Variants in SLC7A4 observed in about 807,000 individuals in gnomAD.
SLC7A4 encodes cationic amino acid transporter 4.
A neutral mutation model predicts 37.8 loss-of-function variants in SLC7A4; 30 were observed. The ratio of observed to expected loss-of-function variants is 0.79; its 90% CI spans 0.59 to 1.08. SLC7A4 has a LOEUF of 1.08. SLC7A4 is among the 50% of genes least tolerant of loss of function. The pLI is 0.00. For missense variants in SLC7A4, 839 were observed against 843.2 expected (o/e 1.00, Z 0.06); for synonymous variants, 359 against 376.5 (o/e 0.95, Z 0.54).
At position 21,030,369 on chromosome 22, in the gene SLC7A4, G is replaced by A; in HGVS notation, c.983-18C>T. On this transcript the variant is annotated intron_variant, in intron 2 of 4. Coordinates refer to ENST00000382932, the MANE Select transcript of SLC7A4 (RefSeq NM_004173.3). ...GTTCATGGCTGTAGCAGAGAGAGTGGGGAGGGTCAGCATGGCGGAGAAGCC... is the reference window on the plus strand; with the variant it reads ...GTTCATGGCTGTAGCAGAGAGAGTGAGGAGGGTCAGCATGGCGGAGAAGCC... The A allele has an allele frequency of 6.3e-7, 1 of 1,582,288 alleles. No homozygotes were observed. Among genetic ancestry groups the A allele is most frequent in the South Asian group, 1.2e-5 (1 of 86,454 alleles).
At chr22:21,031,962 C>T in intron 1 of SLC7A4, 110 bp from the exon 2 acceptor site, 2 of 683,320 alleles carry the variant, frequency 2.9e-6, no homozygotes, top group Non-Finnish European at 4.2e-6. Flanking sequence ...ACCTGGGGAC[C>T]TGGACACCCT....
chr22:21,030,341 G>T lies in SLC7A4; in HGVS notation c.993C>A (p.Thr331=), dbSNP rs201735928. 2 of 1,604,752 alleles carry T rather than the reference G, an allele frequency of 1.2e-6. No individual in the cohort carries two copies. Among genetic ancestry groups the T allele is most frequent in the South Asian group, 2.2e-5 (2 of 90,104 alleles). The stretch of plus-strand genomic sequence containing the variant: ...GGGAGAAGAGGAGGCTGAGCAGGAC[G>T]GTGTTCATGGCTGTAGCAGAGAGAG... ...VAAGSICAMN[T]VLLSLLFSLP... is the part of the protein sequence containing the mutation. Residue 331 remains threonine, a synonymous_variant, in exon 3 of 5, where the codon ACC becomes ACA. Coordinates refer to ENST00000382932, the MANE Select transcript of SLC7A4 (RefSeq NM_004173.3).
chr22:21,029,032 CG>C lies in SLC7A4; in HGVS notation c.*22del. 6.4e-7 allele frequency: 1 copy of C among 1,574,442 alleles called. No homozygotes were observed. The stretch of plus-strand genomic sequence containing the variant: ...GGCCTCCCAAGCAGGTGTGGGAGGG[CG>C]GGGCAAGTGTGGGCTGATCAGCTAC... On this transcript the variant is annotated 3_prime_UTR_variant, in exon 5 of 5. Coordinates refer to ENST00000382932, the MANE Select transcript of SLC7A4 (RefSeq NM_004173.3).
Position 21,029,118 on chromosome 22 carries a change from C to A in SLC7A4, c.1845G>T (p.Glu615Asp). 1 of 1,613,560 alleles carries A rather than the reference C, an allele frequency of 6.2e-7. No homozygotes were observed. The highest frequency in any genetic ancestry group is 1.1e-5 in the South Asian group (1 of 91,058). Residue 615 changes from glutamate (E) to aspartate (D), a missense_variant, in exon 5 of 5, where the codon GAG (glutamate) becomes GAT (aspartate). Physicochemically the swap from Glu to Asp is conservative, Grantham distance 45 (BLOSUM62 2). Coordinates refer to ENST00000382932, the MANE Select transcript of SLC7A4 (RefSeq NM_004173.3). Reference protein sequence around the residue: ...YVVFPRGSLEETVQAMQPPSQ... With the variant: ...YVVFPRGSLEDTVQAMQPPSQ... Reference sequence around the variant, plus strand: ...TGGGGGGCTGCATAGCCTGCACTGTCTCCTCCAGGCTGCCCCTGGGGAATA... The same window carrying A: ...TGGGGGGCTGCATAGCCTGCACTGTATCCTCCAGGCTGCCCCTGGGGAATA...
In SLC7A4 at chr22:21,029,070, A is replaced by G; in HGVS notation, c.1893T>C (p.Pro631=). The change falls in exon 5 of 5, where the codon CCT becomes CCC. Residue 631 remains proline, a synonymous_variant. Coordinates refer to ENST00000382932, the MANE Select transcript of SLC7A4 (RefSeq NM_004173.3). ...QPPSQAPAQD[P]GHME ...GGCTGATCAGCTACTCCATATGGCC[A>G]GGGTCCTGTGCTGGTGCCTGGCTGG... The G allele has an allele frequency of 1.2e-6, 2 of 1,609,702 alleles. No individual in the cohort carries two copies. The highest frequency in any genetic ancestry group is 1.7e-6 in the Non-Finnish European group (2 of 1,179,020).
In SLC7A4 at chr22:21,029,902, C is replaced by A; in HGVS notation, c.1432G>T (p.Val478Leu). ...FLDGYSPGAVVTWALGVMLAS... is the reference protein window; with the variant it reads ...FLDGYSPGAVLTWALGVMLAS... ...AACATAACGCCAAGCGCCCAAGTCACCACTGCTCCAGGGCTGTACCCATCC... is the reference window on the plus strand; with the variant it reads ...AACATAACGCCAAGCGCCCAAGTCAACACTGCTCCAGGGCTGTACCCATCC... Residue 478 changes from valine (V) to leucine (L), a missense_variant, in exon 3 of 5, where the codon GTG (valine) becomes TTG (leucine). Transcript: ENST00000382932. 6.2e-7 allele frequency: 1 copy of A among 1,613,810 alleles called. No individual in the cohort carries two copies. The highest frequency in any genetic ancestry group is 1.1e-5 in the South Asian group (1 of 91,074).
Position 21,028,795 on chromosome 22 carries a change from A to G in SLC7A4, c.*260T>C. Reference sequence around the variant, plus strand: ...GGCTGTGGGCCTTCCCATCCACCCCACCACAACTGCCCAGGTAGCTGGAGC... The same window carrying G: ...GGCTGTGGGCCTTCCCATCCACCCCGCCACAACTGCCCAGGTAGCTGGAGC... On this transcript the variant is annotated 3_prime_UTR_variant, in exon 5 of 5. Coordinates refer to ENST00000382932, the MANE Select transcript of SLC7A4 (RefSeq NM_004173.3). 2.5e-6 allele frequency: 1 copy of G among 402,904 alleles called. No homozygotes were observed. Among genetic ancestry groups the G allele is most frequent in the Non-Finnish European group, 4.4e-6 (1 of 227,248 alleles). The allele number at this position is 402,904 out of a possible 1,614,324, so 25.0% of individuals were successfully genotyped here. A position where few individuals can be genotyped will look rare whatever the true frequency, so the allele number is the denominator to read the frequency against.
Position 21,031,915 on chromosome 22 carries a change from C to T in SLC7A4, c.-40-63G>A, listed in dbSNP as rs771348938. ...GGGGCCTGACCAGCCTTCCATCCCT[C>T]CTGGTCTGACCACCCCCAGTCCTCT... On this transcript the variant is annotated intron_variant, in intron 1 of 4. Coordinates refer to ENST00000382932, the MANE Select transcript of SLC7A4 (RefSeq NM_004173.3). 8.0e-5 allele frequency: 94 copies of T among 1,171,736 alleles called. No homozygotes were observed. The Admixed American group carries it at 1.5e-3, about 18-fold the overall frequency. The allele number at this position is 1,171,736 out of a possible 1,614,324, so 72.6% of individuals were successfully genotyped here. A position where few individuals can be genotyped will look rare whatever the true frequency, so the allele number is the denominator to read the frequency against.
intron 3 of SLC7A4, 81 bp downstream of exon 3, chr22:21,029,630 T>G: frequency 6.9e-7 from 1 of 1,450,992 alleles, no homozygotes; most frequent in Non-Finnish European, 9.5e-7. Flanking sequence ...CCGTGAGACT[T>G]GTTCATTCTG....
At position 21,031,068 on chromosome 22, in the gene SLC7A4, CG is replaced by C. The variant is rs760904001; in HGVS notation, c.744del (p.Phe248LeufsTer43). On this transcript the variant is annotated frameshift_variant, in exon 2 of 5. Coordinates refer to ENST00000382932, the MANE Select transcript of SLC7A4 (RefSeq NM_004173.3). LOFTEE classifies it high-confidence loss of function. ...MAGTASCFYA[F>X]VGFDVIAASS... The stretch of plus-strand genomic sequence containing the variant: ...GAGGCGGCAATGACGTCGAAGCCCA[CG>C]AAAGCATAGAAGCAGGAGGCAGTGC... The C allele has an allele frequency of 3.1e-6, 5 of 1,613,988 alleles. No individual in the cohort carries two copies. The highest frequency in any genetic ancestry group is 3.4e-6 in the Non-Finnish European group (4 of 1,180,046).
Position 21,030,884 on chromosome 22 carries a change from T to C in SLC7A4, c.929A>G (p.Tyr310Cys), listed in dbSNP as rs1288645284. ...GCCAGCCCACCTGTAGCCCCGCTGG[T>C]AGAAGGCATCTGCAAGCGCTGAGTC... Reference protein sequence around the residue: ...DPDSALADAFYQRGYRWAGFI... With the variant: ...DPDSALADAFCQRGYRWAGFI... The change falls in exon 2 of 5, where the codon TAC (tyrosine) becomes TGC (cysteine). Residue 310 changes from tyrosine (Y) to cysteine (C), a missense_variant. Coordinates refer to ENST00000382932, the MANE Select transcript of SLC7A4 (RefSeq NM_004173.3). 3.1e-6 allele frequency: 5 copies of C among 1,612,394 alleles called. No homozygotes were observed. The highest frequency in any genetic ancestry group is 1.1e-5 in the South Asian group (1 of 90,836).
chr22:21,031,232 A>G lies in SLC7A4; in HGVS notation c.581T>C (p.Leu194Pro). 6.2e-7 allele frequency: 1 copy of G among 1,613,718 alleles called. No homozygotes were observed. Among genetic ancestry groups the G allele is most frequent in the Non-Finnish European group, 8.5e-7 (1 of 1,179,886 alleles). The change falls in exon 2 of 5, where the codon CTC (leucine) becomes CCC (proline). Residue 194 changes from leucine (L) to proline (P), a missense_variant. Leu to Pro is a moderately conservative substitution (Grantham distance 98). Transcript: ENST00000382932. ...VSCGARVSSW[L>P]NHTFSAISLL... The stretch of plus-strand genomic sequence containing the variant: ...GCTGATGGCCGAGAAGGTGTGATTG[A>G]GCCAGGAGGACACGCGGGCTCCACA...
In SLC7A4 at chr22:21,031,145, C is replaced by T. The variant is rs750070534; in HGVS notation, c.668G>A (p.Ser223Asn). The change falls in exon 2 of 5, where the codon AGC (serine) becomes AAC (asparagine). Residue 223 changes from serine to asparagine, a missense_variant. Coordinates refer to ENST00000382932, the MANE Select transcript of SLC7A4 (RefSeq NM_004173.3). ...GGGTGCAAAGCCGCCTTCGTCAGCG[C>T]TCCAGTTGTGAGGCTGGGCCAGGAT... ...GFILAQPHNW[S>N]ADEGGFAPFG... 1 of 1,613,674 alleles carries T rather than the reference C, an allele frequency of 6.2e-7. No individual in the cohort carries two copies. The highest frequency in any genetic ancestry group is 1.7e-5 in the Admixed American group (1 of 59,996).
In SLC7A4 at chr22:21,029,103, C is replaced by CA; in HGVS notation, c.1859dup (p.Met620IlefsTer63). The CA allele has an allele frequency of 6.2e-7, 1 of 1,612,818 alleles. No individual in the cohort carries two copies. Among genetic ancestry groups the CA allele is most frequent in the Non-Finnish European group, 8.5e-7 (1 of 1,179,798 alleles). On this transcript the variant is annotated frameshift_variant, in exon 5 of 5. Coordinates refer to ENST00000382932, the MANE Select transcript of SLC7A4 (RefSeq NM_004173.3). LOFTEE classifies it high-confidence loss of function. ...GTGCTGGTGCCTGGCTGGGGGGCTG[C>CA]ATAGCCTGCACTGTCTCCTCCAGGC...
chr22:21,029,532 C>T, intron 3 of SLC7A4, 88 bp from the exon 4 acceptor site: 1 of 1,244,200 alleles, frequency 8.0e-7, no homozygotes, highest in East Asian at 2.3e-5. Context: ...ATCCATAGAG[C>T]CTTTGTTCCT....
rs775399975 is a variant in SLC7A4 at position 21,031,091 on chromosome 22, G to T, written c.722C>A (p.Thr241Asn). 5.0e-6 allele frequency: 8 copies of T among 1,614,128 alleles called. No individual in the cohort carries two copies. The highest frequency in any genetic ancestry group is 6.8e-6 in the Non-Finnish European group (8 of 1,180,036). Residue 241 changes from threonine (T) to asparagine (N), a missense_variant, in exon 2 of 5, where the codon ACT (threonine) becomes AAT (asparagine). Coordinates refer to ENST00000382932, the MANE Select transcript of SLC7A4 (RefSeq NM_004173.3). ...CACGAAAGCATAGAAGCAGGAGGCA[G>T]TGCCGGCCATGACGCCGGAGAAGCC... ...PFGFSGVMAG[T>N]ASCFYAFVGF... is the part of the protein sequence containing the mutation.
Position 21,029,885 on chromosome 22 carries a change from G to T in SLC7A4, c.1449C>A (p.Gly483=). Residue 483 remains glycine, a synonymous_variant, in exon 3 of 5, where the codon GGC becomes GGA. Transcript: ENST00000382932. ...TGGTGATGGCTGAGGCCAACATAAC[G>T]CCAAGCGCCCAAGTCACCACTGCTC... ...SPGAVVTWAL[G]VMLASAITIG... 1 of 1,613,808 alleles carries T rather than the reference G, an allele frequency of 6.2e-7. No individual in the cohort carries two copies. Among genetic ancestry groups the T allele is most frequent in the Non-Finnish European group, 8.5e-7 (1 of 1,179,986 alleles).
chr22:21,030,987 G>A lies in SLC7A4; in HGVS notation c.826C>T (p.Leu276Phe), dbSNP rs201783217. The A allele has an allele frequency of 2.4e-4, 383 of 1,614,092 alleles. 1 individual carries two copies. Among genetic ancestry groups the A allele is most frequent in the Non-Finnish European group, 3.1e-4 (369 of 1,179,982 alleles). Residue 276 changes from leucine (L) to phenylalanine (F), a missense_variant, in exon 2 of 5, where the codon CTT (leucine) becomes TTT (phenylalanine). Leu to Phe is a conservative substitution (Grantham distance 22, BLOSUM62 0). Transcript: ENST00000382932. ...RSVPLAIAISLAIAAGAYILV... is the reference protein window; with the variant it reads ...RSVPLAIAISFAIAAGAYILV... ...ATGTAGGCACCAGCTGCAATGGCAA[G>A]CGAGATGGCGATGGCCAGAGGCACA...
Position 21,029,142 on chromosome 22 carries a change from T to A in SLC7A4, c.1821A>T (p.Val607=). The A allele has an allele frequency of 6.2e-7, 1 of 1,613,952 alleles. No individual in the cohort carries two copies. Among genetic ancestry groups the A allele is most frequent in the African/African-American group, 1.3e-5 (1 of 75,056 alleles). Residue 607 remains valine, a synonymous_variant, in exon 5 of 5, where the codon GTA becomes GTT. Transcript: ENST00000382932. ...LPGLNSTHYV[V]FPRGSLEETV... Reference sequence around the variant, plus strand: ...TCTCCTCCAGGCTGCCCCTGGGGAATACCACGTAGTGTGTGGAGTTCAGCC... The same window carrying A: ...TCTCCTCCAGGCTGCCCCTGGGGAAAACCACGTAGTGTGTGGAGTTCAGCC...
Sources: gnomAD v4.1 joint callset for allele counts on GRCh38, gnomAD v4.1.1 for gene constraint, MANE v1.5 for transcripts, NCBI Gene and HGNC (gene_info 2026-07-23, HGNC 2026-07-21) for gene names.